The following ABCA12 variants were observed in gnomAD, a reference collection of about 807,000 sequenced individuals.
ABCA12 encodes ATP binding cassette subfamily A member 12.
Under a neutral mutation model 293.5 loss-of-function variants are expected in ABCA12, and 156 were observed. The observed-to-expected ratio is 0.53, with a 90% CI of 0.47 to 0.61. The LOEUF (loss-of-function observed/expected upper bound fraction) is 0.61, where lower values mean the gene tolerates loss of function less well. Ranked by LOEUF, ABCA12 falls within the 20% of genes least tolerant of loss-of-function variation. The probability of loss-of-function intolerance (pLI) is 0.00; values close to 1 mark genes in which losing one functional copy is unlikely to be tolerated. For missense variants in ABCA12, 2,797 were observed against 3,090.2 expected (o/e 0.91, Z 2.25); for synonymous variants, 1,063 against 1,108.0 (o/e 0.96, Z 0.81).
At chr2:215,135,387 C>T (rs532543412) in intron 1 of ABCA12, among the ~76,000 whole-genome samples, 2 of 152,136 alleles carry the variant, frequency 1.3e-5, no homozygotes, top group Admixed American at 6.5e-5. Context: ...AGATTCTTAA[C>T]TTCTTCTCTT....
chr2:215,019,187 C>T (rs2106012807), intron 13 of ABCA12, 149 bp downstream of exon 13: 1 of 685,788 alleles, frequency 1.5e-6, no homozygotes, highest in African/African-American at 1.8e-5. Context: ...AGACAAGTAA[C>T]CATATTTGAA....
intron 1 of ABCA12, 31 bp downstream of exon 1, chr2:215,138,109 A>T (rs1380965874): frequency 1.2e-6 from 2 of 1,600,406 alleles, no homozygotes; most frequent in Non-Finnish European, 1.7e-6. Flanking sequence ...TTGCCCCATG[A>T]CCCATACTCC....
chr2:214,967,006 C>T (rs1299170302), intron 38 of ABCA12, 53 bp from the exon 39 acceptor site: 6 of 1,368,370 alleles, frequency 4.4e-6, no homozygotes, highest in South Asian at 2.3e-5. Flanking sequence ...ATAAATTAGG[C>T]TGTCTTAACA....
At chr2:215,095,507 C>T (rs937850580) in intron 2 of ABCA12, among the ~76,000 whole-genome samples, 43 of 152,184 alleles carry the variant, frequency 2.8e-4, no homozygotes, top group Admixed American at 2.8e-3. Context: ...TCAGTTTAAT[C>T]TCTCCCATTC....
intron 17 of ABCA12, among the ~76,000 whole-genome samples, chr2:215,011,138 G>C (rs1700362761): frequency 6.6e-6 from 1 of 152,146 alleles, no homozygotes; most frequent in Non-Finnish European, 1.5e-5. Flanking sequence ...TCTAAGTGTA[G>C]TATTGTAGTT....
intron 1 of ABCA12, among the ~76,000 whole-genome samples, chr2:215,115,605 C>T (rs1702669806): frequency 6.6e-6 from 1 of 152,198 alleles, no homozygotes; most frequent in Non-Finnish European, 1.5e-5. Flanking sequence ...CCCCCCTATA[C>T]TCTTGGCATC....
At position 215,082,050 on chromosome 2, in the gene ABCA12, T is replaced by TTC. The variant is rs1701953209; in HGVS notation, c.164-17832_164-17831insGA. On this transcript the variant is annotated intron_variant, in intron 2 of 52. Coordinates refer to ENST00000272895, the MANE Select transcript of ABCA12 (RefSeq NM_173076.3). The stretch of plus-strand genomic sequence containing the variant: ...TTACTGAAATTGTTAATTCTTTTTT[T>TTC]TTTTTTTTTTTTGAGACAGAGTCTT... 2.0e-5 allele frequency among the ~76,000 whole-genome samples: 3 copies of TTC among 146,950 alleles called. No individual in the cohort carries two copies. The South Asian group carries it at 6.7e-4, about 33-fold the overall frequency.
Position 214,945,014 on chromosome 2 carries a change from G to A in ABCA12, c.7330C>T (p.Leu2444Phe). The change falls in exon 49 of 53, where the codon CTC (leucine) becomes TTC (phenylalanine). Residue 2444 changes from leucine to phenylalanine, a missense_variant. Physicochemically the swap from Leu to Phe is conservative, Grantham distance 22 (BLOSUM62 0). This residue lies in a region of ABCA12 where 2,130 missense variants were observed against 2,427.0 expected (regional missense o/e 0.88). Coordinates refer to ENST00000272895, the MANE Select transcript of ABCA12 (RefSeq NM_173076.3). ...EEVQNKCSVI[L>F]TSHSMEECEA... ...CACTCAGTTTACCTGTGAGATGTGA[G>A]GATGACGGAACATTTGTTCTGTACT... The A allele has an allele frequency of 6.2e-7, 1 of 1,613,572 alleles. No homozygotes were observed. The highest frequency in any genetic ancestry group is 1.1e-5 in the South Asian group (1 of 91,048).
At chr2:215,113,285 G>GT (rs1702616406) in intron 1 of ABCA12, among the ~76,000 whole-genome samples, 1 of 152,192 alleles carries the variant, frequency 6.6e-6, no homozygotes, top group Non-Finnish European at 1.5e-5. Context: ...GGGTATAATG[G>GT]TAAGTTTTCA....
intron 2 of ABCA12, among the ~76,000 whole-genome samples, chr2:215,073,431 T>C (rs941269038): frequency 1.6e-4 from 24 of 152,154 alleles, no homozygotes; most frequent in African/African-American, 5.8e-4. Context: ...ACCAGGAAGA[T>C]GGTTTTAGCC....
chr2:214,998,994 A>G (rs916181051), intron 22 of ABCA12, among the ~76,000 whole-genome samples: 1 of 152,198 alleles, frequency 6.6e-6, no homozygotes, highest in Admixed American at 6.5e-5. Context: ...AAAAATGTAA[A>G]TATTAATGAA....
Position 214,974,879 on chromosome 2 carries a change from G to A in ABCA12, c.5382-15C>T. 6.2e-7 allele frequency: 1 copy of A among 1,606,988 alleles called. No homozygotes were observed. The highest frequency in any genetic ancestry group is 8.5e-7 in the Non-Finnish European group (1 of 1,173,718). On this transcript the variant is annotated splice_polypyrimidine_tract_variant and intron_variant, in intron 34 of 52. Transcript: ENST00000272895. ...GGTGATAATTACTGCAATATGAAAGGACAGAAACAAATTCATGATTTTTCT... is the reference window on the plus strand; with the variant it reads ...GGTGATAATTACTGCAATATGAAAGAACAGAAACAAATTCATGATTTTTCT...
At chr2:215,126,175 T>C (rs917533790) in intron 1 of ABCA12, among the ~76,000 whole-genome samples, 7 of 152,214 alleles carry the variant, frequency 4.6e-5, no homozygotes, top group African/African-American at 1.7e-4. Context: ...ATCTTTCTGA[T>C]ATGTTGCTGG....
At chr2:215,061,409 C>T (rs1429510422) in intron 3 of ABCA12, among the ~76,000 whole-genome samples, 1 of 151,960 alleles carries the variant, frequency 6.6e-6, no homozygotes, top group Non-Finnish European at 1.5e-5. Flanking sequence ...CATGGCAGGC[C>T]TCTTTTGGTG....
rs561021207 is a variant in ABCA12 at position 214,980,009 on chromosome 2, C to T, written c.4740+474G>A. 2.0e-5 allele frequency among the ~76,000 whole-genome samples: 3 copies of T among 152,246 alleles called. No individual in the cohort carries two copies. The South Asian group carries it at 6.2e-4, about 32-fold the overall frequency. On this transcript the variant is annotated intron_variant, in intron 31 of 52. Transcript: ENST00000272895. ...GTGCAAATTACAGTCCCTGCACTGCCACTTGAGGAGTACTAATCAGAATGT... is the reference window on the plus strand; with the variant it reads ...GTGCAAATTACAGTCCCTGCACTGCTACTTGAGGAGTACTAATCAGAATGT...
chr2:214,950,493 G>A (rs975969783), intron 45 of ABCA12, among the ~76,000 whole-genome samples: 7 of 130,364 alleles, frequency 5.4e-5, no homozygotes, highest in Admixed American at 1.8e-4. Context: ...GAAAAAAATT[G>A]TGGGAAAATA....
At chr2:215,131,443 T>A (rs1009367868) in intron 1 of ABCA12, among the ~76,000 whole-genome samples, 4 of 152,050 alleles carry the variant, frequency 2.6e-5, no homozygotes, top group African/African-American at 9.7e-5. Context: ...GGGTTTCTAT[T>A]TCTTCCTGGT....
At chr2:214,978,706 C>A in intron 32 of ABCA12, 98 bp downstream of exon 32, 1 of 1,364,368 alleles carries the variant, frequency 7.3e-7, no homozygotes. Flanking sequence ...ATTTTGTGAA[C>A]TATTTTAAAA....
At chr2:215,030,836 T>C (rs1700861867) in intron 9 of ABCA12, among the ~76,000 whole-genome samples, 1 of 152,230 alleles carries the variant, frequency 6.6e-6, no homozygotes, top group Non-Finnish European at 1.5e-5. Flanking sequence ...ACTATGTACG[T>C]TCTATTTTAG....
Sources: allele counts gnomAD v4.1 joint callset (sites outside exome capture counted in the v4.1 genomes callset), GRCh38; gene constraint gnomAD v4.1.1; regional missense constraint gnomAD v4.1.1; transcripts MANE v1.5; gene names NCBI Gene and HGNC (gene_info 2026-07-23, HGNC 2026-07-21).